Variants in MARCHF1 observed in about 807,000 individuals in gnomAD.
MARCHF1 encodes membrane associated ring-CH-type finger 1.
Under a neutral mutation model 54.2 loss-of-function variants are expected in MARCHF1, and 40 were observed. That is an observed-to-expected ratio of 0.74 (90% CI 0.57 to 0.96). The LOEUF is 0.96. Ranked by LOEUF, MARCHF1 falls within the 40% of genes least tolerant of loss-of-function variation. The pLI is 0.00. For synonymous variants in MARCHF1, 236 were observed against 236.3 expected (o/e 1.00, Z 0.01); for missense variants, 586 against 656.5 (o/e 0.89, Z 1.17).
At chr4:163,677,375 T>C (rs1443562667) in intron 5 of MARCHF1, among the ~76,000 whole-genome samples, 1 of 152,114 alleles carries the variant, frequency 6.6e-6, no homozygotes, top group Non-Finnish European at 1.5e-5. Context: ...CCTTTATATA[T>C]CAAGTTTTCA....
At chr4:164,304,997 C>T (rs1341098967) in intron 1 of MARCHF1, among the ~76,000 whole-genome samples, 2 of 152,086 alleles carry the variant, frequency 1.3e-5, no homozygotes, top group African/African-American at 4.8e-5. Flanking sequence ...AATTCATGAG[C>T]AAGGCATAGT....
intron 2 of MARCHF1, among the ~76,000 whole-genome samples, chr4:164,051,739 C>A (rs962871449): frequency 1.3e-5 from 2 of 152,156 alleles, no homozygotes; most frequent in Non-Finnish European, 2.9e-5. Flanking sequence ...GATACTTAAT[C>A]ACCATGTTAT....
At chr4:163,811,027 A>T (rs1908290) in intron 4 of MARCHF1, among the ~76,000 whole-genome samples, 4 of 151,964 alleles carry the variant, frequency 2.6e-5, no homozygotes, top group South Asian at 2.1e-4. Context: ...GTTTCACTAC[A>T]GTAAAAGGTG....
At chr4:163,843,248 C>T (rs1005613740) in intron 4 of MARCHF1, among the ~76,000 whole-genome samples, 7 of 152,066 alleles carry the variant, frequency 4.6e-5, no homozygotes, top group South Asian at 2.1e-4. Flanking sequence ...GCCATATTTT[C>T]GTTATTCAAT....
intron 4 of MARCHF1, among the ~76,000 whole-genome samples, chr4:163,841,455 TA>T (rs1187402304): frequency 1.3e-4 from 1 of 7,912 alleles, no homozygotes; most frequent in Non-Finnish European, 1.3e-3. Flanking sequence ...CTATTTTTTT[TA>T]AAAAAAGAAT....
chr4:163,569,333 C>G (rs559797233), intron 8 of MARCHF1, among the ~76,000 whole-genome samples: 1 of 151,950 alleles, frequency 6.6e-6, no homozygotes, highest in Non-Finnish European at 1.5e-5. Flanking sequence ...TTTTTTGTAT[C>G]TTTGAATTCT....
rs1748105746 is a variant in MARCHF1 at position 163,802,378 on chromosome 4, T to C, written c.111+51643A>G. On this transcript the variant is annotated intron_variant, in intron 4 of 9. Transcript: ENST00000514618. ...CAGACACTCAGAAATATTAAAGTGATATGGTAATAAAAGTCAAACACATTT... is the reference window on the plus strand; with the variant it reads ...CAGACACTCAGAAATATTAAAGTGACATGGTAATAAAAGTCAAACACATTT... Among the ~76,000 whole-genome samples the C allele has an allele frequency of 2.0e-5, 3 of 152,296 alleles. No homozygotes were observed. The South Asian group carries it at 6.2e-4, about 32-fold the overall frequency.
intron 3 of MARCHF1, among the ~76,000 whole-genome samples, chr4:163,891,831 C>T (rs1484934751): frequency 6.6e-6 from 1 of 152,104 alleles, no homozygotes; most frequent in Non-Finnish European, 1.5e-5. Context: ...ATCCATGATG[C>T]TCATCTTTCT....
intron 5 of MARCHF1, among the ~76,000 whole-genome samples, chr4:163,666,968 G>T (rs557711704): frequency 1.6e-4 from 24 of 152,038 alleles, no homozygotes; most frequent in Non-Finnish European, 2.9e-4. Context: ...ACCCTGCTTT[G>T]TTGTTTAATT....
intron 1 of MARCHF1, among the ~76,000 whole-genome samples, chr4:164,220,602 A>C (rs1732073123): frequency 6.9e-6 from 1 of 145,688 alleles, no homozygotes; most frequent in African/African-American, 2.5e-5. Flanking sequence ...TATATATGTA[A>C]TATATATGCT....
At chr4:163,764,632 A>G (rs1389389857) in intron 4 of MARCHF1, among the ~76,000 whole-genome samples, 1 of 152,096 alleles carries the variant, frequency 6.6e-6, no homozygotes, top group Non-Finnish European at 1.5e-5. Flanking sequence ...TGTGGCTTCA[A>G]GGTTTCAAGT....
chr4:163,890,925 G>A (rs1005309475), intron 3 of MARCHF1, among the ~76,000 whole-genome samples: 5 of 151,668 alleles, frequency 3.3e-5, no homozygotes, highest in Non-Finnish European at 5.9e-5. Flanking sequence ...TAAAAAACTA[G>A]TGCCTAAAAA....
chr4:164,144,416 T>G (rs375066393), intron 1 of MARCHF1, among the ~76,000 whole-genome samples: 22 of 150,436 alleles, frequency 1.5e-4, no homozygotes, highest in African/African-American at 2.2e-4. Context: ...ACCACATACT[T>G]GGAAGTAAAG....
chr4:164,261,944 T>G (rs774127537), intron 1 of MARCHF1, among the ~76,000 whole-genome samples: 3 of 151,496 alleles, frequency 2.0e-5, no homozygotes, highest in Non-Finnish European at 4.4e-5. Flanking sequence ...TCAAAAAATT[T>G]TTAAAAAGTT....
At chr4:163,774,731 A>T (rs1298818096) in intron 4 of MARCHF1, among the ~76,000 whole-genome samples, 1 of 151,940 alleles carries the variant, frequency 6.6e-6, no homozygotes, top group African/African-American at 2.4e-5. Context: ...CCTGACCTCA[A>T]ATGATTCACC....
At chr4:163,823,240 G>GT (rs766384898) in intron 4 of MARCHF1, among the ~76,000 whole-genome samples, 25 of 151,820 alleles carry the variant, frequency 1.6e-4, no homozygotes, top group Admixed American at 4.6e-4. Context: ...CAGGTATCTT[G>GT]TATGGACTAC....
intron 3 of MARCHF1, among the ~76,000 whole-genome samples, chr4:163,897,919 G>T (rs1041554647): frequency 1.3e-5 from 2 of 151,666 alleles, no homozygotes; most frequent in Non-Finnish European, 2.9e-5. Flanking sequence ...AAATTAGCCA[G>T]GCATGGTGGC....
chr4:164,105,946 G>T (rs1755686350), intron 2 of MARCHF1, among the ~76,000 whole-genome samples: 1 of 146,802 alleles, frequency 6.8e-6, no homozygotes, highest in Non-Finnish European at 1.5e-5. Context: ...CCATCAAAAA[G>T]TGGGCGAAGG....
At position 163,999,050 on chromosome 4, in the gene MARCHF1, A is replaced by G. The variant is rs559160056; in HGVS notation, c.-247-10341T>C. Among the ~76,000 whole-genome samples the G allele has an allele frequency of 4.0e-5, 6 of 151,744 alleles. No homozygotes were observed. The South Asian group carries it at 1.2e-3, about 31-fold the overall frequency. On this transcript the variant is annotated intron_variant, in intron 2 of 9. Transcript: ENST00000514618. ...TTCTGTTTTTCCTAGGACTGCACTA[A>G]TTTACATTTCCAGTAACAGTATACA...
Sources: gnomAD v4.1 joint callset for allele counts (sites outside exome capture counted in the v4.1 genomes callset) on GRCh38, gnomAD v4.1.1 for gene constraint, MANE v1.5 for transcripts, NCBI Gene and HGNC (gene_info 2026-07-23, HGNC 2026-07-21) for gene names.